The following ZNF66 variants were observed in gnomAD, a reference collection of about 807,000 sequenced individuals.
ZNF66 encodes zinc finger protein 66.
Under a neutral mutation model 35.2 loss-of-function variants are expected in ZNF66, and 32 were observed. That is an observed-to-expected ratio of 0.91 (90% CI 0.69 to 1.22). The LOEUF (loss-of-function observed/expected upper bound fraction) is 1.22. Ranked by LOEUF, ZNF66 falls within the 50% of genes most tolerant of loss-of-function variation. The probability of loss-of-function intolerance (pLI) is 0.00; values close to 1 mark genes in which losing one functional copy is unlikely to be tolerated. For missense variants in ZNF66, 666 were observed against 543.1 expected, an observed-to-expected ratio of 1.23 and a Z score of -2.25; for synonymous variants, 231 against 181.3, an observed-to-expected ratio of 1.27 and a Z score of -2.20.
chr19:20,777,256 A>T (rs1971203913), intron 1 of ZNF66, among the ~76,000 whole-genome samples: 1 of 152,056 alleles, frequency 6.6e-6, no homozygotes, highest in Admixed American at 6.6e-5. Flanking sequence ...AAGAAAAGAC[A>T]TTTATAAAAT....
In ZNF66 at chr19:20,792,580, A is replaced by C. The variant is rs779960420; in HGVS notation, c.72A>C (p.Ala24=). Residue 24 remains alanine (A), a synonymous_variant, in exon 2 of 4, where the codon GCA becomes GCC. Coordinates refer to ENST00000344519, the MANE Select transcript of ZNF66 (RefSeq NM_001355197.2). The stretch of plus-strand genomic sequence containing the variant: ...AGGAGTGGCATTGCCTGGACATGGC[A>C]CAGCGGAATTTATATAGGGATGTGA... The part of the protein sequence containing the change: ...SLEEWHCLDM[A]QRNLYRDVML... 4 of 1,515,912 alleles carry C rather than the reference A, an allele frequency of 2.6e-6. No homozygotes were observed. Among genetic ancestry groups the C allele is most frequent in the Non-Finnish European group, 3.7e-6 (4 of 1,095,430 alleles). 93.9% of individuals were successfully genotyped at this position (1,515,912 alleles called of 1,614,324 possible).
At chr19:20,801,588 G>A (rs1320140517) in intron 3 of ZNF66, among the ~76,000 whole-genome samples, 1 of 151,996 alleles carries the variant, frequency 6.6e-6, no homozygotes, top group African/African-American at 2.4e-5. Flanking sequence ...CAGGTAACCT[G>A]CCCACCTTGG....
At chr19:20,797,613 G>C (rs1971408075) in intron 3 of ZNF66, among the ~76,000 whole-genome samples, 1 of 151,642 alleles carries the variant, frequency 6.6e-6, no homozygotes, top group Non-Finnish European at 1.5e-5. Flanking sequence ...ACCCAGGCTG[G>C]AGTGCATTGG....
intron 1 of ZNF66, among the ~76,000 whole-genome samples, chr19:20,782,899 G>C (rs1971257133): frequency 6.6e-6 from 1 of 151,986 alleles, no homozygotes; most frequent in South Asian, 2.1e-4. Flanking sequence ...AATTGCTTTT[G>C]GTAGCTTCAT....
intron 3 of ZNF66, among the ~76,000 whole-genome samples, chr19:20,799,846 G>T (rs1971432085): frequency 1.3e-5 from 2 of 152,134 alleles, no homozygotes; most frequent in African/African-American, 4.8e-5. Context: ...ACTGTAGGTT[G>T]TATTGACATC....
intron 1 of ZNF66, among the ~76,000 whole-genome samples, chr19:20,778,508 G>A (rs1971215851): frequency 6.6e-6 from 1 of 152,144 alleles, no homozygotes. Flanking sequence ...TCTTAGCCAG[G>A]TGCAGTGGCT....
chr19:20,795,614 G>A (rs59559662), intron 3 of ZNF66, among the ~76,000 whole-genome samples: 2,073 of 152,148 alleles, frequency 0.014, 46 homozygotes, highest in African/African-American at 0.047. Flanking sequence ...CGATCCGCCC[G>A]CCTCAGCCTC....
intron 1 of ZNF66, among the ~76,000 whole-genome samples, chr19:20,783,054 C>T (rs929204401): frequency 6.6e-6 from 1 of 152,066 alleles, no homozygotes; most frequent in African/African-American, 2.4e-5. Context: ...GATCTAGTTT[C>T]AGTCTTCTAC....
At position 20,809,205 on chromosome 19, in the gene ZNF66, TG is replaced by T. The variant is rs1971561743; in HGVS notation, c.*1885del. 6.6e-6 allele frequency among the ~76,000 whole-genome samples: 1 copy of T among 152,142 alleles called. No homozygotes were observed. On this transcript the variant is annotated 3_prime_UTR_variant, in exon 4 of 4. Coordinates refer to ENST00000344519, the MANE Select transcript of ZNF66 (RefSeq NM_001355197.2). ...TGAAAAGACCAAATCTACCTCTGAT[TG>T]GTGTACCTGAAAGTGAGGGGGAGAA...
At chr19:20,785,760 TGTTTGTTTGTTTG>T (rs766914442) in intron 1 of ZNF66, among the ~76,000 whole-genome samples, 12,122 of 151,348 alleles carry the variant, frequency 0.08, 554 homozygotes, top group Middle Eastern at 0.11. Flanking sequence ...TGTTTTTGTT[TGTTTGTTTGTTTG>T]TTTTTTGAGA....
rs1333584163 is a variant in ZNF66 at position 20,776,422 on chromosome 19, C to T, written c.-26C>T. ...GGTATTGGGAGATCCACAGCTAAGA[C>T]GCCAGGACCCCCTGGAAGCCTAGAA... On this transcript the variant is annotated 5_prime_UTR_variant, in exon 1 of 4. It adds an upstream start codon to the 5' untranslated region. Coordinates refer to ENST00000344519, the MANE Select transcript of ZNF66 (RefSeq NM_001355197.2). 1.3e-6 allele frequency: 2 copies of T among 1,557,260 alleles called. No individual in the cohort carries two copies. The highest frequency in any genetic ancestry group is 1.1e-5 in the South Asian group (1 of 90,036).
intron 1 of ZNF66, among the ~76,000 whole-genome samples, chr19:20,778,231 C>T (rs552676795): frequency 2.6e-5 from 4 of 152,194 alleles, no homozygotes; most frequent in East Asian, 1.9e-4. Context: ...TCCCAAGTAG[C>T]TGGGATTACA....
intron 3 of ZNF66, among the ~76,000 whole-genome samples, chr19:20,805,150 A>T (rs939256739): frequency 1.3e-5 from 2 of 151,146 alleles, no homozygotes; most frequent in Admixed American, 6.6e-5. Flanking sequence ...AGAGAGAGAG[A>T]GTCTCGCCCT....
chr19:20,782,380 G>A (rs577542566), intron 1 of ZNF66, among the ~76,000 whole-genome samples: 6 of 152,210 alleles, frequency 3.9e-5, no homozygotes, highest in African/African-American at 1.4e-4. Flanking sequence ...ATTTCCTTGG[G>A]TATATACCCA....
In ZNF66 at chr19:20,806,174, A is replaced by G. The variant is rs765268583; in HGVS notation, c.574A>G (p.Lys192Glu). 4.6e-6 allele frequency: 6 copies of G among 1,294,918 alleles called. No homozygotes were observed. Among genetic ancestry groups the G allele is most frequent in the Non-Finnish European group, 3.4e-6 (3 of 891,320 alleles). The allele number at this position is 1,294,918 out of a possible 1,614,324, so 80.2% of individuals were successfully genotyped here. The change falls in exon 4 of 4, where the codon AAG (lysine) becomes GAG (glutamate). Residue 192 changes from lysine (K) to glutamate (E), a missense_variant. Transcript: ENST00000344519. ...CCGGTCCTCAACCTTTACTACACAT[A>G]AGAAAATTCATACTGGAGAGAAACC... ...FNRSSTFTTHKKIHTGEKPYK... is the reference protein window; with the variant it reads ...FNRSSTFTTHEKIHTGEKPYK...
intron 1 of ZNF66, 109 bp from the exon 2 acceptor site, chr19:20,792,403 G>A: frequency 9.9e-7 from 1 of 1,012,458 alleles, no homozygotes; most frequent in Admixed American, 2.6e-5. Context: ...ACTTTAGTCA[G>A]TCCTATAAGT....
At chr19:20,792,439 AT>A (rs1332657118) in intron 1 of ZNF66, 72 bp from the exon 2 acceptor site, 11 of 1,323,302 alleles carry the variant, frequency 8.3e-6, no homozygotes, top group Non-Finnish European at 1.0e-5. Flanking sequence ...TTACTCTCTC[AT>A]TTCACCTTAA....
intron 3 of ZNF66, 189 bp downstream of exon 3, chr19:20,794,067 T>C (rs373995037): frequency 1.7e-6 from 1 of 588,916 alleles, no homozygotes. Flanking sequence ...CATATTGTCT[T>C]ATGCTTCTAA....
Position 20,792,649 on chromosome 19 carries a change from C to G in ZNF66, c.130+11C>G, listed in dbSNP as rs62125618. On this transcript the variant is annotated intron_variant, in intron 2 of 3. Transcript: ENST00000344519. ...ACCTGGTCTTTCTTGGTGAGAAAAA[C>G]TTTAATACATAACTCATAATATACA... 0.15 allele frequency: 189,530 copies of G among 1,296,630 alleles called. 14,818 individuals are homozygous for G. The highest frequency in any genetic ancestry group is 0.26 in the African/African-American group (17,073 of 66,622). The allele number at this position is 1,296,630 out of a possible 1,614,324, so 80.3% of individuals were successfully genotyped here. A position where few individuals can be genotyped will look rare whatever the true frequency, so the allele number is the denominator to read the frequency against.
Sources: allele counts gnomAD v4.1 joint callset (sites outside exome capture counted in the v4.1 genomes callset), GRCh38; gene constraint gnomAD v4.1.1; transcripts MANE v1.5; gene names NCBI Gene and HGNC (gene_info 2026-07-23, HGNC 2026-07-21).